The following SZT2 variants were observed in gnomAD, a reference collection of about 807,000 sequenced individuals.
SZT2 encodes the protein KICSTOR complex protein SZT2.
A neutral mutation model predicts 404.2 loss-of-function variants in SZT2; 216 were observed. That is an observed-to-expected ratio of 0.53 (90% CI 0.48 to 0.60). The LOEUF (loss-of-function observed/expected upper bound fraction) is 0.60. SZT2 is among the 20% of genes least tolerant of loss of function. The probability of loss-of-function intolerance (pLI) is 0.00; values close to 1 mark genes in which losing one functional copy is unlikely to be tolerated. For missense variants in SZT2, 3,857 were observed against 4,459.2 expected (o/e 0.86, Z 3.85); for synonymous variants, 1,693 against 1,749.9 (o/e 0.97, Z 0.81).
In SZT2 at chr1:43,452,630, C is replaced by T. The variant is rs1179679033; in HGVS notation, c.*2150C>T. 3.4e-6 allele frequency: 2 copies of T among 596,640 alleles called. No homozygotes were observed. The highest frequency in any genetic ancestry group is 6.0e-6 in the Non-Finnish European group (2 of 334,266). 37.0% of individuals were successfully genotyped at this position (596,640 alleles called of 1,614,324 possible). A position where few individuals can be genotyped will look rare whatever the true frequency, so the allele number is the denominator to read the frequency against. ...TCTCACCTTTAAAAATTGTCCTGACCTTTGCTTGCCCTTCTCAGGTATTCC... is the reference window on the plus strand; with the variant it reads ...TCTCACCTTTAAAAATTGTCCTGACTTTTGCTTGCCCTTCTCAGGTATTCC... On this transcript the variant is annotated 3_prime_UTR_variant, in exon 72 of 72. Coordinates refer to ENST00000634258, the MANE Select transcript of SZT2 (RefSeq NM_001365999.1).
chr1:43,416,455 G>A, intron 6 of SZT2, 80 bp from the exon 7 acceptor site: 2 of 1,197,330 alleles, frequency 1.7e-6, no homozygotes, highest in African/African-American at 1.5e-5. Flanking sequence ...GAGCCGTTCA[G>A]GACCCTGTCA....
intron 4 of SZT2, chr1:43,404,801 T>C: frequency 2.6e-6 from 1 of 383,346 alleles, no homozygotes; most frequent in Non-Finnish European, 4.7e-6. Context: ...TCACTGCTCC[T>C]GTAAATCTCT....
In SZT2 at chr1:43,424,153, G is replaced by T. The variant is rs1396758704; in HGVS notation, c.2256-64G>T. The stretch of plus-strand genomic sequence containing the variant: ...TTAGCCAGCTGTGAGTGGTACAGAG[G>T]TGTGGAAGGGCGTGGCTTAGCCGGG... On this transcript the variant is annotated intron_variant, in intron 15 of 71. Coordinates refer to ENST00000634258, the MANE Select transcript of SZT2 (RefSeq NM_001365999.1). This position sits in a 1 kb window ranked among gnomAD's most constrained non-coding sequence, Gnocchi z 4.1. The T allele has an allele frequency of 1.4e-6, 2 of 1,391,550 alleles. No homozygotes were observed. The highest frequency in any genetic ancestry group is 3.8e-5 in the Admixed American group (2 of 52,704). The allele number at this position is 1,391,550 out of a possible 1,614,324, so 86.2% of individuals were successfully genotyped here.
In SZT2 at chr1:43,424,839, A is replaced by C; in HGVS notation, c.2527A>C (p.Met843Leu). ...CTGCAGTGGGGAAGGAATCATCAAC[A>C]TGGTTCTGGAGCTTCCAATTCAGGT... Reference protein sequence around the residue: ...FACSGEGIINMVLELPIQNEP... With the variant: ...FACSGEGIINLVLELPIQNEP... The change falls in exon 17 of 72, where the codon ATG becomes CTG. Residue 843 changes from methionine (M) to leucine (L), a missense_variant. This residue lies in a region of SZT2 where 1,725 missense variants were observed against 1,881.0 expected (regional missense o/e 0.92). Coordinates refer to ENST00000634258, the MANE Select transcript of SZT2 (RefSeq NM_001365999.1). The surrounding 1 kb of genome is among the most constrained non-coding windows in gnomAD (Gnocchi z 4.1). 1 of 1,613,992 alleles carries C rather than the reference A, an allele frequency of 6.2e-7. No individual in the cohort carries two copies. The highest frequency in any genetic ancestry group is 8.5e-7 in the Non-Finnish European group (1 of 1,179,940).
In SZT2 at chr1:43,450,569, T is replaced by C. The variant is rs993051494; in HGVS notation, c.*89T>C. ...CAGAGGCAGGACTGACCAGCCCTTC[T>C]GGGCCCCAGGGCAAGCCAGACACTG... On this transcript the variant is annotated 3_prime_UTR_variant, in exon 72 of 72. Transcript: ENST00000634258. This position sits in a 1 kb window ranked among gnomAD's most constrained non-coding sequence, Gnocchi z 4.3. 3 of 1,570,718 alleles carry C rather than the reference T, an allele frequency of 1.9e-6. No individual in the cohort carries two copies. In the African/African-American group the frequency reaches 4.0e-5, roughly 21 times the overall value.
In SZT2 at chr1:43,449,703, G is replaced by A. The variant is rs1289143606; in HGVS notation, c.10087-400G>A. The A allele has an allele frequency of 1.7e-5, 5 of 298,822 alleles. No individual in the cohort carries two copies. The East Asian group carries it at 3.8e-4, about 23-fold the overall frequency. 18.5% of individuals were successfully genotyped at this position (298,822 alleles called of 1,614,324 possible). Reference sequence around the variant, plus strand: ...AGCCTTGGGAGAGCAAATCATCCCGGGATGGATCACCAAGCAGAGCGTTAG... The same window carrying A: ...AGCCTTGGGAGAGCAAATCATCCCGAGATGGATCACCAAGCAGAGCGTTAG... On this transcript the variant is annotated intron_variant, in intron 70 of 71. Coordinates refer to ENST00000634258, the MANE Select transcript of SZT2 (RefSeq NM_001365999.1).
rs367832688 is a variant in SZT2 at position 43,431,389 on chromosome 1, C to G, written c.5024+17C>G. On this transcript the variant is annotated intron_variant, in intron 34 of 71. Coordinates refer to ENST00000634258, the MANE Select transcript of SZT2 (RefSeq NM_001365999.1). ...AGAGGAGAGGTACTTCTTTATCTCCCTGTCAGAGTTCATTACTGCTTTTCA... is the reference window on the plus strand; with the variant it reads ...AGAGGAGAGGTACTTCTTTATCTCCGTGTCAGAGTTCATTACTGCTTTTCA... The G allele has an allele frequency of 2.4e-5, 39 of 1,612,098 alleles. No homozygotes were observed. The highest frequency in any genetic ancestry group is 3.3e-5 in the Non-Finnish European group (39 of 1,178,228).
In SZT2 at chr1:43,448,517, A is replaced by G. The variant is rs1031766732; in HGVS notation, c.9969+33A>G. ...ACTGTGGGCTCCCGAAAGAGCTGGG[A>G]TAGGTGCCAGGAATTCCACTGGCAG... On this transcript the variant is annotated intron_variant, in intron 69 of 71. Coordinates refer to ENST00000634258, the MANE Select transcript of SZT2 (RefSeq NM_001365999.1). The surrounding 1 kb of genome is among the most constrained non-coding windows in gnomAD (Gnocchi z 4.2). 6.2e-7 allele frequency: 1 copy of G among 1,610,144 alleles called. No homozygotes were observed. Among genetic ancestry groups the G allele is most frequent in the Non-Finnish European group, 8.5e-7 (1 of 1,177,668 alleles).
chr1:43,437,038 A>G lies in SZT2; in HGVS notation c.6035-133A>G, dbSNP rs1341808142. On this transcript the variant is annotated intron_variant, in intron 42 of 71. Coordinates refer to ENST00000634258, the MANE Select transcript of SZT2 (RefSeq NM_001365999.1). This position sits in a 1 kb window ranked among gnomAD's most constrained non-coding sequence, Gnocchi z 5.3. ...TGGCCCTGTCGTGTTACCCAGAATGATCATCATTTCTCTGCAATAGTCAGG... is the reference window on the plus strand; with the variant it reads ...TGGCCCTGTCGTGTTACCCAGAATGGTCATCATTTCTCTGCAATAGTCAGG... The G allele has an allele frequency of 3.3e-6, 4 of 1,215,814 alleles. No individual in the cohort carries two copies. In the East Asian group the frequency reaches 9.4e-5, roughly 29 times the overall value. The allele number at this position is 1,215,814 out of a possible 1,614,324, so 75.3% of individuals were successfully genotyped here. A position where few individuals can be genotyped will look rare whatever the true frequency, so the allele number is the denominator to read the frequency against.
Position 43,453,299 on chromosome 1 carries a change from G to T in SZT2, c.*2819G>T. Reference sequence around the variant, plus strand: ...GATAAACCAGTGGGCTCAGACTTCTGAGCGTCTCAGATCTGGCGTCCTCGA... The same window carrying T: ...GATAAACCAGTGGGCTCAGACTTCTTAGCGTCTCAGATCTGGCGTCCTCGA... On this transcript the variant is annotated 3_prime_UTR_variant, in exon 72 of 72. Coordinates refer to ENST00000634258, the MANE Select transcript of SZT2 (RefSeq NM_001365999.1). 7.0e-6 allele frequency: 6 copies of T among 861,300 alleles called. No homozygotes were observed. Among genetic ancestry groups the T allele is most frequent in the Non-Finnish European group, 9.0e-6 (5 of 554,622 alleles). The allele number at this position is 861,300 out of a possible 1,614,324, so 53.4% of individuals were successfully genotyped here. A position where few individuals can be genotyped will look rare whatever the true frequency, so the allele number is the denominator to read the frequency against.
chr1:43,446,306 C>G (rs548880491), intron 64 of SZT2, 36 bp from the exon 65 acceptor site: 3 of 1,614,116 alleles, frequency 1.9e-6, no homozygotes, highest in African/African-American at 1.3e-5. Flanking sequence ...CCACCTGTCT[C>G]TCGCCTTCCT....
In SZT2 at chr1:43,451,838, A is replaced by G. The variant is rs774930343; in HGVS notation, c.*1358A>G. 8.7e-6 allele frequency: 14 copies of G among 1,614,036 alleles called. No homozygotes were observed. Among genetic ancestry groups the G allele is most frequent in the Non-Finnish European group, 1.2e-5 (14 of 1,179,966 alleles). ...GTTGGGTCTTCCTACCTTCTGTAAG[A>G]TGGCTGCCGCTGTAAGAGAAGCCAG... On this transcript the variant is annotated 3_prime_UTR_variant, in exon 72 of 72. Coordinates refer to ENST00000634258, the MANE Select transcript of SZT2 (RefSeq NM_001365999.1).
rs376370099 is a variant in SZT2, at chr1:43,389,932, C to T, written c.-37C>T. The T allele has an allele frequency of 2.0e-6, 3 of 1,489,072 alleles. No homozygotes were observed. Among genetic ancestry groups the T allele is most frequent in the African/African-American group, 2.8e-5 (2 of 70,240 alleles). 92.2% of individuals were successfully genotyped at this position (1,489,072 alleles called of 1,614,324 possible). The stretch of plus-strand genomic sequence containing the variant: ...GAGGTCAGGGGTCAAGAGTGGAACA[C>T]CCTCACTGGCCCGGGCCGGCGCGGG... On this transcript the variant is annotated 5_prime_UTR_variant, in exon 1 of 72. Coordinates refer to ENST00000634258, the MANE Select transcript of SZT2 (RefSeq NM_001365999.1).
At position 43,416,528 on chromosome 1, in the gene SZT2, G is replaced by C; in HGVS notation, c.773-7G>C. ...CTCCAGGTCTGATCTGGTGTTTCCT[G>C]CTCCAGGGATTATCGTGATCACGGA... On this transcript the variant is annotated splice_polypyrimidine_tract_variant and splice_region_variant and intron_variant, in intron 6 of 71. Transcript: ENST00000634258. 1.9e-6 allele frequency: 3 copies of C among 1,597,316 alleles called. No homozygotes were observed. The highest frequency in any genetic ancestry group is 2.5e-6 in the Non-Finnish European group (3 of 1,179,288).
intron 63 of SZT2, 42 bp from the exon 64 acceptor site, chr1:43,446,137 C>T: frequency 6.2e-7 from 1 of 1,610,622 alleles, no homozygotes; most frequent in South Asian, 1.1e-5. Context: ...TGATTCGAGG[C>T]TGGTGAGCCC....
At chr1:43,428,966 C>A in intron 28 of SZT2, 1 of 175,286 alleles carries the variant, frequency 5.7e-6, no homozygotes, top group Non-Finnish European at 1.2e-5. Context: ...CTAGCATCTG[C>A]AGTGTGTTAG....
chr1:43,431,614 G>A, intron 35 of SZT2, 91 bp downstream of exon 35: 1 of 1,598,846 alleles, frequency 6.3e-7, no homozygotes, highest in Non-Finnish European at 8.6e-7. Context: ...TAGAAGTGAG[G>A]CCTCTCTCAG....
At chr1:43,408,823 G>A (rs1333324802) in intron 4 of SZT2, among the ~76,000 whole-genome samples, 2 of 152,102 alleles carry the variant, frequency 1.3e-5, no homozygotes, top group Admixed American at 1.3e-4. Flanking sequence ...CCTGTAGAGT[G>A]AGACAATGTC....
chr1:43,403,649 T>C lies in SZT2; in HGVS notation c.202T>C (p.Trp68Arg). 6.2e-7 allele frequency: 1 copy of C among 1,614,172 alleles called. No individual in the cohort carries two copies. The highest frequency in any genetic ancestry group is 8.5e-7 in the Non-Finnish European group (1 of 1,180,032). The change falls in exon 3 of 72, where the codon TGG (tryptophan) becomes CGG (arginine). Residue 68 changes from tryptophan (W) to arginine (R), a missense_variant. By Grantham distance (101) the Trp-to-Arg change is moderately radical. Transcript: ENST00000634258. ...LEVLSVLPPG[W>R]QPDEPVVPRP... ...AGTCCTCAGTGTCCTGCCCCCTGGG[T>C]GGCAGCCAGATGAACCAGTGGTCCC...
Sources: allele counts gnomAD v4.1 joint callset (sites outside exome capture counted in the v4.1 genomes callset), GRCh38; gene constraint gnomAD v4.1.1; regional missense constraint gnomAD v4.1.1; non-coding constraint Gnocchi (gnomAD v3.1); transcripts MANE v1.5; gene names NCBI Gene and HGNC (gene_info 2026-07-23, HGNC 2026-07-21).